The following MAK variants were observed in gnomAD, a reference collection of about 807,000 sequenced individuals.
The protein encoded by MAK is male germ cell associated kinase, also known as serine/threonine-protein kinase MAK.
A neutral mutation model predicts 82.6 loss-of-function variants in MAK; 65 were observed. The ratio of observed to expected loss-of-function variants is 0.79; its 90% CI spans 0.64 to 0.97. MAK has a LOEUF of 0.97. Ranked by LOEUF, MAK falls within the 50% of genes least tolerant of loss-of-function variation. The pLI is 0.00. For missense variants in MAK, 703 were observed against 780.2 expected, an observed-to-expected ratio of 0.90 and a Z score of 1.18; for synonymous variants, 250 against 274.2, an observed-to-expected ratio of 0.91 and a Z score of 0.87.
At chr6:10,813,792 T>A in intron 4 of MAK, 69 bp from the exon 5 acceptor site, 2 of 859,712 alleles carry the variant, frequency 2.3e-6, no homozygotes, top group Non-Finnish European at 4.0e-6. Context: ...AAGGTTTATA[T>A]TCCCCCTGCC....
intron 2 of MAK, among the ~76,000 whole-genome samples, chr6:10,829,481 G>C (rs1778614253): frequency 6.6e-6 from 1 of 152,132 alleles, no homozygotes; most frequent in Non-Finnish European, 1.5e-5. Flanking sequence ...TGGGTAGCTT[G>C]CTTGAGCCTG....
Position 10,763,575 on chromosome 6 carries a change from T to G in MAK, c.*877A>C, listed in dbSNP as rs1772130867. The G allele has an allele frequency of 6.7e-6, 1 of 149,366 alleles. No homozygotes were observed. Among genetic ancestry groups the G allele is most frequent in the African/African-American group, 2.5e-5 (1 of 40,670 alleles). 9.3% of individuals were successfully genotyped at this position (149,366 alleles called of 1,614,324 possible). A position where few individuals can be genotyped will look rare whatever the true frequency, so the allele number is the denominator to read the frequency against. The stretch of plus-strand genomic sequence containing the variant: ...AAAAAAAAAAAAAAGCTGGGCACTG[T>G]GGCTCACACCTGTAAGCCCTGCACT... On this transcript the variant is annotated 3_prime_UTR_variant, in exon 15 of 15. Transcript: ENST00000354489.
chr6:10,828,601 G>A (rs1778549726), intron 2 of MAK, among the ~76,000 whole-genome samples: 1 of 152,022 alleles, frequency 6.6e-6, no homozygotes, highest in African/African-American at 2.4e-5. Flanking sequence ...GAGGAGCCTG[G>A]GCAACATGGC....
intron 6 of MAK, among the ~76,000 whole-genome samples, chr6:10,807,647 CAT>C (rs1228629503): frequency 1.3e-5 from 2 of 151,928 alleles, no homozygotes; most frequent in African/African-American, 4.8e-5. Flanking sequence ...GCCTGATACA[CAT>C]ATGTTCTTGT....
In MAK at chr6:10,800,127, G is replaced by T. The variant is rs7746520; in HGVS notation, c.831+1765C>A. 6.6e-6 allele frequency among the ~76,000 whole-genome samples: 1 copy of T among 151,856 alleles called. No individual in the cohort carries two copies. The highest frequency in any genetic ancestry group is 1.5e-5 in the Non-Finnish European group (1 of 68,004). ...ACAAAAATACAAAAATAAGCCAAGC[G>T]TGGTGGCGGGCACCTGCAATCCCAG... On this transcript the variant is annotated intron_variant, in intron 8 of 14. Transcript: ENST00000354489. This position sits in a 1 kb window ranked among gnomAD's most constrained non-coding sequence, Gnocchi z 4.2.
rs1290965546 is a variant in MAK at position 10,784,480 on chromosome 6, A to T, written c.1409T>A (p.Leu470Ter). ...CTGTTTAGAGGTTGGAGCAGTTGAC[A>T]ATTCGGAATCAGATTTTAGGGAAGT... ...AVTSLKSDSE[L>*]STAPTSKQYY... The change falls in exon 11 of 15, where the codon TTG (leucine) becomes TAG (stop). Residue 470 changes from leucine (L) to a stop codon, truncating the protein, a stop_gained. Coordinates refer to ENST00000354489, the MANE Select transcript of MAK (RefSeq NM_001242957.3). LOFTEE classifies it high-confidence loss of function. 5 of 1,614,050 alleles carry T rather than the reference A, an allele frequency of 3.1e-6. No homozygotes were observed. The African/African-American group carries it at 6.7e-5, about 22-fold the overall frequency.
intron 6 of MAK, among the ~76,000 whole-genome samples, chr6:10,807,118 C>A (rs1244251201): frequency 1.3e-5 from 2 of 151,930 alleles, no homozygotes; most frequent in Admixed American, 6.6e-5. Flanking sequence ...CTTATTCATT[C>A]TGCACTGTGC....
chr6:10,790,235 C>T (rs527513412), intron 10 of MAK, among the ~76,000 whole-genome samples: 17 of 152,130 alleles, frequency 1.1e-4, no homozygotes, highest in African/African-American at 3.6e-4. Flanking sequence ...GACCTGGAAA[C>T]GGATTGCATA....
rs1324159553 is a variant in MAK at position 10,763,245 on chromosome 6, T to TGAGCTGGCTTGGGGGAAC, written c.*1189_*1206dup. On this transcript the variant is annotated 3_prime_UTR_variant, in exon 15 of 15. Transcript: ENST00000354489. ...AGAGCTGAGTCAGTGGTCAGCAGCATGAGCTGGCTTGGGGGAACCAGCTGG... is the reference window on the plus strand; with the variant it reads ...AGAGCTGAGTCAGTGGTCAGCAGCATGAGCTGGCTTGGGGGAACGAGCTGGCTTGGGGGAACCAGCTGG... 1 of 152,626 alleles carries TGAGCTGGCTTGGGGGAAC rather than the reference T, an allele frequency of 6.6e-6. No individual in the cohort carries two copies. Among genetic ancestry groups the TGAGCTGGCTTGGGGGAAC allele is most frequent in the Non-Finnish European group, 1.5e-5 (1 of 68,056 alleles). 9.5% of individuals were successfully genotyped at this position (152,626 alleles called of 1,614,324 possible). A position where few individuals can be genotyped will look rare whatever the true frequency, so the allele number is the denominator to read the frequency against.
At chr6:10,792,001 A>G (rs2127542867) in intron 9 of MAK, among the ~76,000 whole-genome samples, 154 bp from the exon 10 acceptor site, 1 of 152,364 alleles carries the variant, frequency 6.6e-6, no homozygotes, top group Middle Eastern at 3.4e-3. Context: ...TAAAAGCATG[A>G]ACAAAAATGG....
At position 10,797,797 on chromosome 6, in the gene MAK, T is replaced by C. The variant is rs898470488; in HGVS notation, c.832-1488A>G. Reference sequence around the variant, plus strand: ...AGGAACAGAAGGCAGCTTGGTACTTTAAATGGTCTTCATATTCTACAACTT... The same window carrying C: ...AGGAACAGAAGGCAGCTTGGTACTTCAAATGGTCTTCATATTCTACAACTT... On this transcript the variant is annotated intron_variant, in intron 8 of 14. Coordinates refer to ENST00000354489, the MANE Select transcript of MAK (RefSeq NM_001242957.3). 3.1e-5 allele frequency: 39 copies of C among 1,265,590 alleles called. No individual in the cohort carries two copies. In the African/African-American group the frequency reaches 5.7e-4, roughly 19 times the overall value. The allele number at this position is 1,265,590 out of a possible 1,614,324, so 78.4% of individuals were successfully genotyped here. A position where few individuals can be genotyped will look rare whatever the true frequency, so the allele number is the denominator to read the frequency against.
intron 2 of MAK, among the ~76,000 whole-genome samples, chr6:10,829,947 G>A (rs1276541397): frequency 2.7e-5 from 4 of 149,528 alleles, no homozygotes; most frequent in Admixed American, 2.0e-4. Flanking sequence ...AGCGATTCTC[G>A]TGCCTCAGCC....
Position 10,830,673 on chromosome 6 carries a change from T to TCATTTCAATCAACAACTTC in MAK, c.-26_-25insGAAGTTGTTGATTGAAATG. 6.4e-7 allele frequency: 1 copy of TCATTTCAATCAACAACTTC among 1,559,246 alleles called. No homozygotes were observed. Among genetic ancestry groups the TCATTTCAATCAACAACTTC allele is most frequent in the Non-Finnish European group, 8.8e-7 (1 of 1,130,156 alleles). ...TCTTGGAAAAATAATGCAGCAGAAGTTGTTGATTGAAATGACTTCCTTGTT... is the reference window on the plus strand; with the variant it reads ...TCTTGGAAAAATAATGCAGCAGAAGTCATTTCAATCAACAACTTCTGTTGATTGAAATGACTTCCTTGTT... On this transcript the variant is annotated 5_prime_UTR_variant, in exon 2 of 15. The change creates a new upstream start codon in the 5' untranslated region. Coordinates refer to ENST00000354489, the MANE Select transcript of MAK (RefSeq NM_001242957.3).
At chr6:10,836,472 A>G (rs1224169492) in intron 1 of MAK, among the ~76,000 whole-genome samples, 1 of 152,194 alleles carries the variant, frequency 6.6e-6, no homozygotes, top group African/African-American at 2.4e-5. Flanking sequence ...TTAAAAAATC[A>G]TTATTCCATG....
chr6:10,836,381 C>A (rs762367097), intron 1 of MAK, among the ~76,000 whole-genome samples: 2 of 152,204 alleles, frequency 1.3e-5, no homozygotes, highest in Non-Finnish European at 2.9e-5. Context: ...CAGGGTGAGA[C>A]GCTGATCATT....
At chr6:10,810,110 AAAAAAGAAAG>A (rs1776804391) in intron 5 of MAK, among the ~76,000 whole-genome samples, 1 of 141,774 alleles carries the variant, frequency 7.1e-6, no homozygotes, top group Non-Finnish European at 1.5e-5. Context: ...AAAAAAAAAA[AAAAAAGAAAG>A]AAAAGAAAAA....
At position 10,836,970 on chromosome 6, in the gene MAK, T is replaced by G. The variant is rs1351771852; in HGVS notation, c.-230+1533A>C. 3.3e-5 allele frequency among the ~76,000 whole-genome samples: 5 copies of G among 152,360 alleles called. No individual in the cohort carries two copies. In the East Asian group the frequency reaches 9.6e-4, roughly 29 times the overall value. The stretch of plus-strand genomic sequence containing the variant: ...AGTTCATAATTACCGTTTCTCTAAG[T>G]GCACAATTGTTGTAAATATAGCCTT... On this transcript the variant is annotated intron_variant, in intron 1 of 14. Coordinates refer to ENST00000354489, the MANE Select transcript of MAK (RefSeq NM_001242957.3).
chr6:10,803,826 A>G lies in MAK; in HGVS notation c.557T>C (p.Val186Ala), dbSNP rs1776200924. Residue 186 changes from valine (V) to alanine (A), a missense_variant, in exon 7 of 15, where the codon GTT becomes GCT. Transcript: ENST00000354489. ...ATAGAGTTCAGCCATGATACTTCCA[A>G]CAGCCCACACATCAATGGGAGAACT... ...VYSSPIDVWA[V>A]GSIMAELYML... The G allele has an allele frequency of 1.2e-6, 2 of 1,613,956 alleles. No individual in the cohort carries two copies. The highest frequency in any genetic ancestry group is 2.7e-5 in the African/African-American group (2 of 74,910).
At chr6:10,773,883 T>C (rs1773231879) in intron 12 of MAK, among the ~76,000 whole-genome samples, 4 of 151,974 alleles carry the variant, frequency 2.6e-5, no homozygotes, top group Middle Eastern at 3.4e-3. Flanking sequence ...GTATTTTTAG[T>C]AGAGACAGGG....
Sources: gnomAD v4.1 joint callset for allele counts (sites outside exome capture counted in the v4.1 genomes callset) on GRCh38, gnomAD v4.1.1 for gene constraint, Gnocchi (gnomAD v3.1) non-coding constraint, MANE v1.5 for transcripts, NCBI Gene and HGNC (gene_info 2026-07-23, HGNC 2026-07-21) for gene names.